CDK7: variants seen among roughly 807,000 people sequenced by gnomAD.
The protein encoded by CDK7 is cyclin dependent kinase 7.
In CDK7, 25 loss-of-function variants were observed where a neutral mutation model predicts 49.1. The ratio of observed to expected loss-of-function variants is 0.51; its 90% CI spans 0.37 to 0.71. CDK7 has a LOEUF of 0.71. CDK7 is among the 30% of genes least tolerant of loss of function. CDK7 has a pLI of 0.00. For synonymous variants in CDK7, 107 were observed against 140.0 expected (o/e 0.76, Z 1.67); for missense variants, 316 against 411.7 (o/e 0.77, Z 2.01).
chr5:69,248,515 A>C (rs1749905467), intron 2 of CDK7, among the ~76,000 whole-genome samples: 1 of 151,550 alleles, frequency 6.6e-6, no homozygotes, highest in Non-Finnish European at 1.5e-5. Flanking sequence ...AGCCTTCCCA[A>C]GTAGCTGGGA....
intron 6 of CDK7, among the ~76,000 whole-genome samples, 175 bp from the exon 7 acceptor site, chr5:69,259,643 T>C (rs1225084353): frequency 6.6e-6 from 1 of 152,208 alleles, no homozygotes; most frequent in African/African-American, 2.4e-5. Context: ...TTATATATTA[T>C]AACCAATCCA....
intron 5 of CDK7, among the ~76,000 whole-genome samples, chr5:69,257,579 C>T (rs1425444544): frequency 6.6e-6 from 1 of 152,138 alleles, no homozygotes; most frequent in African/African-American, 2.4e-5. Flanking sequence ...GATTCTAGCA[C>T]AAGTACTTGG....
intron 3 of CDK7, 63 bp from the exon 4 acceptor site, chr5:69,254,539 A>AAT: frequency 1.3e-6 from 1 of 795,156 alleles, no homozygotes; most frequent in South Asian, 1.6e-5. Flanking sequence ...AAAAAAAAAA[A>AAT]GAAGTGTTTG....
At chr5:69,253,033 C>G (rs1484461434) in intron 3 of CDK7, among the ~76,000 whole-genome samples, 2 of 152,110 alleles carry the variant, frequency 1.3e-5, no homozygotes, top group African/African-American at 4.8e-5. Context: ...GTCTTCATTA[C>G]TGTTTTAGGT....
At chr5:69,252,748 A>G (rs1750232987) in intron 3 of CDK7, among the ~76,000 whole-genome samples, 1 of 152,094 alleles carries the variant, frequency 6.6e-6, no homozygotes, top group African/African-American at 2.4e-5. Context: ...GCCTCAAGCT[A>G]TCCTCCCACC....
chr5:69,234,983 T>A lies in CDK7; in HGVS notation c.8T>A (p.Leu3Gln). 1 of 1,597,604 alleles carries A rather than the reference T, an allele frequency of 6.3e-7. No homozygotes were observed. Among genetic ancestry groups the A allele is most frequent in the Non-Finnish European group, 8.5e-7 (1 of 1,172,414 alleles). MALDVKSRAKRYE... is the reference protein window; with the variant it reads MAQDVKSRAKRYE... The stretch of plus-strand genomic sequence containing the variant: ...CGGGCTTTACGGCGCCGGATGGCTC[T>A]GGACGTGAAGTCTCGGGCAAAGCGT... Residue 3 changes from leucine to glutamine, a missense_variant, in exon 1 of 12, where the codon CTG becomes CAG. By Grantham distance (113) the Leu-to-Gln change is moderately radical. Coordinates refer to ENST00000256443, the MANE Select transcript of CDK7 (RefSeq NM_001799.4).
chr5:69,259,421 A>G (rs2150211887), intron 6 of CDK7, among the ~76,000 whole-genome samples: 2 of 152,272 alleles, frequency 1.3e-5, no homozygotes, highest in Middle Eastern at 3.4e-3. Context: ...TCTTTTTAGC[A>G]TGGATTTTGA....
chr5:69,266,252 G>A (rs573944761), intron 8 of CDK7, among the ~76,000 whole-genome samples: 1 of 152,192 alleles, frequency 6.6e-6, no homozygotes, highest in African/African-American at 2.4e-5. Flanking sequence ...AAACAGAACC[G>A]AAAAATTCAC....
At position 69,270,335 on chromosome 5, in the gene CDK7, C is replaced by T. The variant is rs555421549; in HGVS notation, c.714+1042C>T. Among the ~76,000 whole-genome samples the T allele has an allele frequency of 1.6e-4, 25 of 152,230 alleles. No individual in the cohort carries two copies. The South Asian group carries it at 5.2e-3, about 32-fold the overall frequency. On this transcript the variant is annotated intron_variant, in intron 9 of 11. Coordinates refer to ENST00000256443, the MANE Select transcript of CDK7 (RefSeq NM_001799.4). The stretch of plus-strand genomic sequence containing the variant: ...GGTGCACACATTATGGTCCCAGCTA[C>T]TCAGGAGGCTGAGGTAGGAGGATTG...
intron 9 of CDK7, among the ~76,000 whole-genome samples, chr5:69,272,558 T>C (rs528657534): frequency 4.7e-4 from 72 of 152,302 alleles, no homozygotes; most frequent in African/African-American, 1.6e-3. Flanking sequence ...TTGATGACTT[T>C]CATCAGCATT....
chr5:69,239,306 A>G (rs927702874), intron 2 of CDK7, among the ~76,000 whole-genome samples: 3 of 152,324 alleles, frequency 2.0e-5, no homozygotes, highest in East Asian at 1.9e-4. Context: ...TATTGTTTCA[A>G]TTAACATTTC....
At chr5:69,258,364 A>G (rs188535278) in intron 6 of CDK7, among the ~76,000 whole-genome samples, 1 of 147,480 alleles carries the variant, frequency 6.8e-6, no homozygotes, top group African/African-American at 2.5e-5. Flanking sequence ...ACTGGAAGAG[A>G]TCCAGTCCCT....
At chr5:69,258,641 C>T (rs1750636881) in intron 6 of CDK7, among the ~76,000 whole-genome samples, 1 of 152,128 alleles carries the variant, frequency 6.6e-6, no homozygotes. Flanking sequence ...CTTGGCCTCC[C>T]AAAGTGCTGG....
At chr5:69,235,552 A>T (rs925795578) in intron 2 of CDK7, 99 bp downstream of exon 2, 1 of 808,968 alleles carries the variant, frequency 1.2e-6, no homozygotes, top group Admixed American at 2.1e-5. Context: ...TACTCTGATA[A>T]TGAGTTACTC....
intron 7 of CDK7, among the ~76,000 whole-genome samples, chr5:69,260,205 C>T (rs1750728748): frequency 6.6e-6 from 1 of 152,104 alleles, no homozygotes; most frequent in Non-Finnish European, 1.5e-5. Context: ...AAAGAATTAG[C>T]TGGGCATGGT....
At chr5:69,236,547 T>C (rs914313072) in intron 2 of CDK7, among the ~76,000 whole-genome samples, 2 of 152,176 alleles carry the variant, frequency 1.3e-5, no homozygotes, top group Non-Finnish European at 2.9e-5. Context: ...CCCCCTTTTT[T>C]TGGTCATCTT....
intron 7 of CDK7, among the ~76,000 whole-genome samples, chr5:69,261,960 A>G (rs1750855813): frequency 6.6e-6 from 1 of 152,228 alleles, no homozygotes; most frequent in Non-Finnish European, 1.5e-5. Context: ...AAGACTGGAA[A>G]AATACTGGTA....
In CDK7 at chr5:69,269,221, A is replaced by C; in HGVS notation, c.642A>C (p.Pro214=). 6.2e-7 allele frequency: 1 copy of C among 1,601,170 alleles called. No homozygotes were observed. Among genetic ancestry groups the C allele is most frequent in the Non-Finnish European group, 8.5e-7 (1 of 1,176,244 alleles). ...AELLLRVPFL[P]GDSDLDQLTR... ...CTTTCTTTCAGGTTCCTTTTTTGCC[A>C]GGAGATTCAGACCTTGATCAGCTAA... Residue 214 remains proline, a synonymous_variant, in exon 9 of 12, where the codon CCA becomes CCC. Coordinates refer to ENST00000256443, the MANE Select transcript of CDK7 (RefSeq NM_001799.4).
chr5:69,243,112 T>TG (rs74343594), intron 2 of CDK7, among the ~76,000 whole-genome samples: 17,129 of 152,208 alleles, frequency 0.11, 1,164 homozygotes, highest in South Asian at 0.19. Flanking sequence ...TTTGCAAAGG[T>TG]GGTTTCAAAA....
Sources: allele counts gnomAD v4.1 joint callset (sites outside exome capture counted in the v4.1 genomes callset), GRCh38; gene constraint gnomAD v4.1.1; transcripts MANE v1.5; gene names NCBI Gene and HGNC (gene_info 2026-07-23, HGNC 2026-07-21).